CNTNAP2: variants seen among roughly 807,000 people sequenced by gnomAD.
The protein encoded by CNTNAP2 is contactin associated protein 2, also known as contactin-associated protein-like 2.
A neutral mutation model predicts 155.2 loss-of-function variants in CNTNAP2; 98 were observed. That is an observed-to-expected ratio of 0.63 (90% CI 0.54 to 0.75). The LOEUF is 0.75. CNTNAP2 is among the 30% of genes least tolerant of loss of function. The probability of loss-of-function intolerance (pLI) is 0.00; values close to 1 mark genes in which losing one functional copy is unlikely to be tolerated. For synonymous variants in CNTNAP2, 651 were observed against 631.2 expected (o/e 1.03, Z -0.47); for missense variants, 1,727 against 1,688.1 (o/e 1.02, Z -0.40).
At chr7:146,471,245 T>TA (rs1342755306) in intron 1 of CNTNAP2, among the ~76,000 whole-genome samples, 2 of 152,202 alleles carry the variant, frequency 1.3e-5, no homozygotes, top group African/African-American at 4.8e-5. Context: ...CTCCATTGTT[T>TA]ACTGGCCTTC....
At chr7:147,340,886 C>T (rs563039432) in intron 9 of CNTNAP2, among the ~76,000 whole-genome samples, 3 of 152,124 alleles carry the variant, frequency 2.0e-5, no homozygotes, top group African/African-American at 4.8e-5. Context: ...CTATCTATCT[C>T]CTGAGGTTCA....
intron 1 of CNTNAP2, among the ~76,000 whole-genome samples, chr7:146,417,906 A>G (rs894087139): frequency 1.3e-5 from 2 of 151,128 alleles, no homozygotes; most frequent in African/African-American, 4.9e-5. Context: ...TGTATGAGGC[A>G]CCAAATGCCA....
intron 10 of CNTNAP2, among the ~76,000 whole-genome samples, chr7:147,407,095 T>C (rs980812529): frequency 6.6e-6 from 1 of 152,160 alleles, no homozygotes; most frequent in Admixed American, 6.5e-5. Context: ...GACATAAAAG[T>C]GCATTGCTTT....
At chr7:148,161,855 C>T (rs562595101) in intron 17 of CNTNAP2, among the ~76,000 whole-genome samples, 1 of 152,350 alleles carries the variant, frequency 6.6e-6, no homozygotes, top group East Asian at 1.9e-4. Context: ...CTCAGCCTCT[C>T]TGCCAACTCG....
intron 22 of CNTNAP2, among the ~76,000 whole-genome samples, chr7:148,407,300 C>A (rs1356379274): frequency 1.3e-5 from 2 of 152,130 alleles, no homozygotes; most frequent in African/African-American, 4.8e-5. Flanking sequence ...ACTACCTACC[C>A]CAGAAAATCC....
intron 11 of CNTNAP2, among the ~76,000 whole-genome samples, chr7:147,495,910 T>A (rs1852709): frequency 0.29 from 43,544 of 151,992 alleles, 6,376 homozygotes; most frequent in East Asian, 0.43. Context: ...TGCTCACATT[T>A]CCACCTGAGC....
At chr7:148,196,233 T>C (rs1795275503) in intron 18 of CNTNAP2, among the ~76,000 whole-genome samples, 1 of 152,212 alleles carries the variant, frequency 6.6e-6, no homozygotes, top group South Asian at 2.1e-4. Context: ...CTGAAAAATT[T>C]TTTTGACTGT....
intron 1 of CNTNAP2, among the ~76,000 whole-genome samples, chr7:146,563,458 A>T (rs1260693021): frequency 1.3e-5 from 2 of 152,094 alleles, no homozygotes; most frequent in Admixed American, 1.3e-4. Context: ...CAGAGACAAA[A>T]CATGCTGTCT....
intron 1 of CNTNAP2, among the ~76,000 whole-genome samples, chr7:146,719,543 T>C (rs1215851810): frequency 6.6e-6 from 1 of 152,190 alleles, no homozygotes; most frequent in African/African-American, 2.4e-5. Context: ...CAATTACTTT[T>C]GCTTGCACTG....
chr7:148,030,472 C>T (rs13223159), intron 15 of CNTNAP2, among the ~76,000 whole-genome samples: 49,626 of 151,922 alleles, frequency 0.33, 9,648 homozygotes, highest in East Asian at 0.77. Context: ...CTACTGAATA[C>T]ATATGCTGGG....
intron 1 of CNTNAP2, among the ~76,000 whole-genome samples, chr7:146,747,842 T>A (rs1185201610): frequency 6.6e-6 from 1 of 152,186 alleles, no homozygotes; most frequent in Non-Finnish European, 1.5e-5. Flanking sequence ...CTTAGTTTTT[T>A]AAATTTAGAG....
At chr7:146,713,814 TGTC>T (rs1381695463) in intron 1 of CNTNAP2, among the ~76,000 whole-genome samples, 1 of 152,144 alleles carries the variant, frequency 6.6e-6, no homozygotes, top group Non-Finnish European at 1.5e-5. Context: ...TTTAGCCACT[TGTC>T]GTATGGCATG....
intron 8 of CNTNAP2, among the ~76,000 whole-genome samples, chr7:147,159,034 G>A (rs942263787): frequency 3.3e-5 from 5 of 152,084 alleles, no homozygotes; most frequent in African/African-American, 1.2e-4. Context: ...AGACATAAGG[G>A]AAAGGTCAGG....
intron 1 of CNTNAP2, among the ~76,000 whole-genome samples, chr7:146,512,088 T>C (rs1170420936): frequency 6.6e-6 from 1 of 152,016 alleles, no homozygotes; most frequent in Non-Finnish European, 1.5e-5. Context: ...TAATATGCTA[T>C]AATCATCCTT....
Position 147,249,520 on chromosome 7 carries a change from G to T in CNTNAP2, c.1349-50621G>T, listed in dbSNP as rs567508693. On this transcript the variant is annotated intron_variant, in intron 8 of 23. Transcript: ENST00000361727. Reference sequence around the variant, plus strand: ...AACACCTTTGAACACACCAACAATGGTCTCTTGATTAAAAAGAAACCACAT... The same window carrying T: ...AACACCTTTGAACACACCAACAATGTTCTCTTGATTAAAAAGAAACCACAT... 1.0e-4 allele frequency among the ~76,000 whole-genome samples: 15 copies of T among 142,880 alleles called. 1 individual carries two copies. In the South Asian group the frequency reaches 2.9e-3, roughly 28 times the overall value. 93.7% of individuals were successfully genotyped at this position (142,880 alleles called of 152,430 possible). A position where few individuals can be genotyped will look rare whatever the true frequency, so the allele number is the denominator to read the frequency against.
chr7:146,309,918 A>T (rs1299236245), intron 1 of CNTNAP2, among the ~76,000 whole-genome samples: 1 of 152,140 alleles, frequency 6.6e-6, no homozygotes, highest in Non-Finnish European at 1.5e-5. Context: ...AAAAGGGGGA[A>T]TAGAATTTAA....
rs1797454043 is a variant in CNTNAP2, at chr7:148,304,502, C to A, written c.3475+37376C>A. 2.0e-5 allele frequency among the ~76,000 whole-genome samples: 3 copies of A among 152,230 alleles called. No individual in the cohort carries two copies. In the South Asian group the frequency reaches 6.2e-4, roughly 32 times the overall value. ...TACTTGAGGGGTCAGCAGACTTTTC[C>A]TGTAAAGAGCAAAACAATGAGTATT... On this transcript the variant is annotated intron_variant, in intron 21 of 23. Transcript: ENST00000361727.
intron 15 of CNTNAP2, among the ~76,000 whole-genome samples, chr7:148,063,924 A>T (rs117099219): frequency 1.1e-3 from 171 of 152,138 alleles, no homozygotes; most frequent in Middle Eastern, 6.8e-3. Flanking sequence ...AGAGATGAGG[A>T]TTCAGTTTCA....
intron 1 of CNTNAP2, among the ~76,000 whole-genome samples, chr7:146,293,411 T>C (rs1010837347): frequency 6.6e-6 from 1 of 152,188 alleles, no homozygotes; most frequent in Non-Finnish European, 1.5e-5. Context: ...TTTGACCTAG[T>C]CTTCTATGAT....
Sources: allele counts gnomAD v4.1 joint callset (sites outside exome capture counted in the v4.1 genomes callset), GRCh38; gene constraint gnomAD v4.1.1; transcripts MANE v1.5; gene names NCBI Gene and HGNC (gene_info 2026-07-23, HGNC 2026-07-21).